Variants in SNRPN observed in about 807,000 individuals in gnomAD.
SNRPN encodes small nuclear ribonucleoprotein polypeptide N.
Under a neutral mutation model 25.2 loss-of-function variants are expected in SNRPN, and 7 were observed. The ratio of observed to expected loss-of-function variants is 0.28; its 90% CI spans 0.16 to 0.52. The LOEUF (loss-of-function observed/expected upper bound fraction) is 0.52, where lower values mean the gene tolerates loss of function less well. SNRPN is among the 20% of genes least tolerant of loss of function. The pLI is 0.96. For missense variants in SNRPN, 196 were observed against 322.5 expected (o/e 0.61, Z 3.00); for synonymous variants, 124 against 110.6 (o/e 1.12, Z -0.76).
chr15:24,963,787 C>G (rs972070887), intron 2 of SNRPN, among the ~76,000 whole-genome samples: 4 of 151,758 alleles, frequency 2.6e-5, no homozygotes, highest in African/African-American at 9.7e-5. Context: ...GCCTCTAATC[C>G]CAGCATGTTG....
chr15:24,865,285 A>G (rs1310664906), intron 1 of SNRPN, among the ~76,000 whole-genome samples: 2 of 151,996 alleles, frequency 1.3e-5, no homozygotes, highest in Admixed American at 6.6e-5. Context: ...GACCTCAGGT[A>G]ATCCACCCGC....
At chr15:24,858,678 G>C (rs927127126) in intron 1 of SNRPN, among the ~76,000 whole-genome samples, 2 of 151,806 alleles carry the variant, frequency 1.3e-5, no homozygotes, top group African/African-American at 4.8e-5. Context: ...ATATGCACCT[G>C]TAATCCCAGC....
At chr15:24,835,636 C>T (rs1031504011) in intron 2 of SNRPN, among the ~76,000 whole-genome samples, 1 of 151,860 alleles carries the variant, frequency 6.6e-6, no homozygotes, top group African/African-American at 2.4e-5. Context: ...TACATTCTTT[C>T]TGTTTGTTTG....
chr15:24,933,331 G>A (rs903081432), intron 3 of SNRPN, among the ~76,000 whole-genome samples: 1 of 141,710 alleles, frequency 7.1e-6, no homozygotes, highest in Admixed American at 7.4e-5. Flanking sequence ...TCTGGAGGGC[G>A]GCTGGTTTAA....
intron 2 of SNRPN, among the ~76,000 whole-genome samples, chr15:24,888,473 T>TTGCA (rs1226070594): frequency 6.6e-6 from 1 of 152,224 alleles, no homozygotes; most frequent in Non-Finnish European, 1.5e-5. Flanking sequence ...TGTAATAGTT[T>TTGCA]ATTTTTGTTT....
rs531240422 is a variant in SNRPN at position 24,901,175 on chromosome 15, G to C, written c.-505+14586G>C. On this transcript the variant is annotated intron_variant, in intron 2 of 11. Transcript: ENST00000400097. ...TCTCCTTGGTTAGATGTATTCCTTGGTATTGCCGTCTTAGGTAGAGGAAGA... is the reference window on the plus strand; with the variant it reads ...TCTCCTTGGTTAGATGTATTCCTTGCTATTGCCGTCTTAGGTAGAGGAAGA... Among the ~76,000 whole-genome samples, 22 of 152,240 alleles carry C rather than the reference G, an allele frequency of 1.4e-4. No homozygotes were observed. In the South Asian group the frequency reaches 4.4e-3, roughly 30 times the overall value.
chr15:24,870,605 GAAC>G (rs145750498), intron 1 of SNRPN, among the ~76,000 whole-genome samples: 2,575 of 149,430 alleles, frequency 0.017, 57 homozygotes, highest in South Asian at 0.052. Flanking sequence ...CTCTCATGAA[GAAC>G]AACATTACCA....
rs116905609 is a variant in SNRPN, at chr15:24,965,394, G to C, written c.-294-2538G>C. 1.3e-3 allele frequency among the ~76,000 whole-genome samples: 195 copies of C among 152,172 alleles called. No individual in the cohort carries two copies. The East Asian group carries it at 0.026, about 20-fold the overall frequency. On this transcript the variant is annotated intron_variant, in intron 2 of 9. Coordinates refer to ENST00000390687, the MANE Select transcript of SNRPN (RefSeq NM_003097.6). ...CTCTAGAAAAATAAAAAAATCAGCC[G>C]GGTGTGGTAGTGTGCACCTGTAATC... is the stretch of plus-strand genomic sequence containing the variant.
chr15:24,915,607 T>C (rs2059462323), intron 2 of SNRPN, among the ~76,000 whole-genome samples: 1 of 152,180 alleles, frequency 6.6e-6, no homozygotes, highest in South Asian at 2.1e-4. Flanking sequence ...GATGTTATTG[T>C]CCAATCAGTT....
At chr15:24,895,908 A>T (rs1039012238) in intron 2 of SNRPN, among the ~76,000 whole-genome samples, 1 of 152,340 alleles carries the variant, frequency 6.6e-6, no homozygotes, top group African/African-American at 2.4e-5. Flanking sequence ...AAAGGAAAAT[A>T]TGAGAACAAG....
intron 3 of SNRPN, among the ~76,000 whole-genome samples, chr15:24,940,530 C>A (rs2153036899): frequency 6.6e-6 from 1 of 152,248 alleles, no homozygotes; most frequent in Non-Finnish European, 1.5e-5. Context: ...GAGTTTATTT[C>A]TGGGATCTCT....
intron 1 of SNRPN, among the ~76,000 whole-genome samples, chr15:24,859,955 T>C (rs982467865): frequency 1.5e-4 from 23 of 152,210 alleles, no homozygotes; most frequent in African/African-American, 5.1e-4. Context: ...CCGGCCTCTT[T>C]ACTGCAGCCT....
intron 3 of SNRPN, 95 bp from the exon 4 acceptor site, chr15:24,974,216 G>A (rs2076801783): frequency 1.8e-6 from 1 of 544,766 alleles, no homozygotes; most frequent in Non-Finnish European, 3.3e-6. Flanking sequence ...GGATGTTTTT[G>A]AACGTGTCTG....
In SNRPN at chr15:24,959,642, T is replaced by C. The variant is rs192127132; in HGVS notation, c.-390-2472T>C. Among the ~76,000 whole-genome samples the C allele has an allele frequency of 2.1e-3, 315 of 152,330 alleles. 1 individual carries two copies. Among genetic ancestry groups the C allele is most frequent in the Non-Finnish European group, 3.3e-3 (226 of 68,026 alleles). On this transcript the variant is annotated intron_variant, in intron 1 of 9. Coordinates refer to ENST00000390687, the MANE Select transcript of SNRPN (RefSeq NM_003097.6). ...ATGGTTTAGTTGATAGTTTCTTTAA[T>C]TGTATTATATTAAGGTACTACATTA... is the stretch of plus-strand genomic sequence containing the variant.
At chr15:24,962,786 T>G (rs1450271624) in intron 2 of SNRPN, among the ~76,000 whole-genome samples, 2 of 152,216 alleles carry the variant, frequency 1.3e-5, no homozygotes, top group Non-Finnish European at 2.9e-5. Flanking sequence ...ACCTAATACA[T>G]ATTTAGTCCA....
chr15:24,909,524 C>G (rs2059076542), intron 2 of SNRPN: 17 of 1,486,966 alleles, frequency 1.1e-5, no homozygotes, highest in East Asian at 6.8e-5. Flanking sequence ...CAGGCCAGTA[C>G]AATATGCTGC....
At chr15:24,891,684 C>A (rs1337963532) in intron 2 of SNRPN, among the ~76,000 whole-genome samples, 1 of 152,086 alleles carries the variant, frequency 6.6e-6, no homozygotes, top group Non-Finnish European at 1.5e-5. Flanking sequence ...GTTATCCACC[C>A]TCCTCGGCCT....
rs1412466158 is a variant in SNRPN, at chr15:24,974,416, T to C, written c.-38T>C. The C allele has an allele frequency of 1.9e-6, 3 of 1,610,632 alleles. No homozygotes were observed. Among genetic ancestry groups the C allele is most frequent in the Admixed American group, 1.7e-5 (1 of 60,002 alleles). On this transcript the variant is annotated 5_prime_UTR_variant, in exon 4 of 10. Coordinates refer to ENST00000390687, the MANE Select transcript of SNRPN (RefSeq NM_003097.6). ...CCCCTAGGTCTTCAGAAGCATCAAG[T>C]TTTAACTGTGGACATTGGATTTGGT...
intron 2 of SNRPN, among the ~76,000 whole-genome samples, chr15:24,888,274 AATTTTTGT>A (rs2057365418): frequency 6.6e-6 from 1 of 151,760 alleles, no homozygotes; most frequent in Non-Finnish European, 1.5e-5. Context: ...ATGTCCAACT[AATTTTTGT>A]ATTTTTAGTA....
Sources: allele counts gnomAD v4.1 joint callset (sites outside exome capture counted in the v4.1 genomes callset), GRCh38; gene constraint gnomAD v4.1.1; transcripts MANE v1.5; gene names NCBI Gene and HGNC (gene_info 2026-07-23, HGNC 2026-07-21).